Variants in ZC3H13 observed in about 807,000 individuals in gnomAD.
The protein encoded by ZC3H13 is zinc finger CCCH domain-containing protein 13.
In ZC3H13, 64 loss-of-function variants were observed where a neutral mutation model predicts 204.1. That is an observed-to-expected ratio of 0.31 (90% CI 0.26 to 0.39). ZC3H13 has a LOEUF of 0.39. Among genes scored for constraint, ZC3H13 ranks in the 10% least tolerant of loss-of-function variants. ZC3H13 has a pLI of 1.00. For missense variants in ZC3H13, 1,833 were observed against 2,082.7 expected (o/e 0.88, Z 2.33); for synonymous variants, 667 against 693.7 (o/e 0.96, Z 0.60).
At chr13:46,050,843 A>T (rs371405176) in intron 1 of ZC3H13, among the ~76,000 whole-genome samples, 2 of 152,166 alleles carry the variant, frequency 1.3e-5, no homozygotes, top group South Asian at 4.1e-4. Context: ...CACAGAAAAC[A>T]TCCCATGCTG....
chr13:46,046,884 T>C (rs1055081125), intron 1 of ZC3H13, among the ~76,000 whole-genome samples: 4 of 151,920 alleles, frequency 2.6e-5, no homozygotes, highest in African/African-American at 9.7e-5. Flanking sequence ...GGGAAGAGGG[T>C]AGAAACTGCC....
At chr13:45,996,842 CAAT>C (rs1053613763) in intron 8 of ZC3H13, among the ~76,000 whole-genome samples, 6 of 149,878 alleles carry the variant, frequency 4.0e-5, no homozygotes, top group African/African-American at 1.5e-4. Context: ...CAAAAATCTA[CAAT>C]AAGAAGGAAT....
At chr13:45,991,579 G>A (rs767849024) in intron 8 of ZC3H13, among the ~76,000 whole-genome samples, 4 of 152,178 alleles carry the variant, frequency 2.6e-5, no homozygotes, top group Non-Finnish European at 5.9e-5. Context: ...TTTCCACTTA[G>A]AATAGAAGTA....
rs183307481 is a variant in ZC3H13 at position 46,010,628 on chromosome 13, G to A, written c.589-123C>T. ...TTAAATATTATTGCCGGGTGCAGTG[G>A]TTCACACCTGTAATCCCAGTTTCTC... On this transcript the variant is annotated intron_variant, in intron 6 of 18. Transcript: ENST00000679008. 1,200 of 975,292 alleles carry A rather than the reference G, an allele frequency of 1.2e-3. 1 individual carries two copies. Among genetic ancestry groups the A allele is most frequent in the Non-Finnish European group, 1.7e-3 (1,129 of 680,736 alleles). The allele number at this position is 975,292 out of a possible 1,614,324, so 60.4% of individuals were successfully genotyped here. A position where few individuals can be genotyped will look rare whatever the true frequency, so the allele number is the denominator to read the frequency against.
chr13:45,993,823 G>GTCCC (rs965541261), intron 8 of ZC3H13, among the ~76,000 whole-genome samples: 2 of 152,058 alleles, frequency 1.3e-5, no homozygotes, highest in African/African-American at 4.8e-5. Flanking sequence ...TTGTCTGTGG[G>GTCCC]AATCTTTTAA....
chr13:45,985,679 G>T lies in ZC3H13; in HGVS notation c.1338C>A (p.His446Gln), dbSNP rs372253221. The T allele has an allele frequency of 3.1e-6, 5 of 1,613,944 alleles. No homozygotes were observed. Among genetic ancestry groups the T allele is most frequent in the Non-Finnish European group, 4.2e-6 (5 of 1,180,004 alleles). ...YEQDQSSSRD[H>Q]RDDREPRDGR... ...CATCTCGAGGTTCTCTGTCATCTCT[G>T]TGGTCTCTAGAAGAGCTCTGATCCT... Residue 446 changes from histidine to glutamine, a missense_variant, in exon 10 of 19, where the codon CAC becomes CAA. Coordinates refer to ENST00000679008, the MANE Select transcript of ZC3H13 (RefSeq NM_001330564.2).
At chr13:45,977,118 TCA>T (rs1458957855) in intron 11 of ZC3H13, among the ~76,000 whole-genome samples, 1 of 152,192 alleles carries the variant, frequency 6.6e-6, no homozygotes, top group Non-Finnish European at 1.5e-5. Flanking sequence ...CTTCCCAATG[TCA>T]CAGAGATGGT....
intron 1 of ZC3H13, among the ~76,000 whole-genome samples, chr13:46,046,282 G>A (rs918960117): frequency 1.3e-5 from 2 of 151,886 alleles, no homozygotes; most frequent in South Asian, 4.1e-4. Context: ...ACCATTATTA[G>A]TAATAACAAA....
rs1485504117 is a variant in ZC3H13, at chr13:45,956,159, AG to A, written c.*967del. 4 of 152,196 alleles carry A rather than the reference AG, an allele frequency of 2.6e-5. No individual in the cohort carries two copies. Among genetic ancestry groups the A allele is most frequent in the African/African-American group, 9.6e-5 (4 of 41,454 alleles). The allele number at this position is 152,196 out of a possible 1,614,324, so 9.4% of individuals were successfully genotyped here. A position where few individuals can be genotyped will look rare whatever the true frequency, so the allele number is the denominator to read the frequency against. Reference sequence around the variant, plus strand: ...CTGGAGGCAGTTTAATATAATCAAAAGTTATAGCTCTAAAAAATATGATAGT... The same window carrying A: ...CTGGAGGCAGTTTAATATAATCAAAATTATAGCTCTAAAAAATATGATAGT... On this transcript the variant is annotated 3_prime_UTR_variant, in exon 19 of 19. Coordinates refer to ENST00000679008, the MANE Select transcript of ZC3H13 (RefSeq NM_001330564.2).
chr13:45,971,811 C>T (rs963075034), intron 12 of ZC3H13, among the ~76,000 whole-genome samples: 1 of 151,878 alleles, frequency 6.6e-6, no homozygotes, highest in Non-Finnish European at 1.5e-5. Flanking sequence ...GCAAGAAAAA[C>T]ATAAATAATC....
chr13:45,993,498 CA>C, intron 8 of ZC3H13, among the ~76,000 whole-genome samples: 2 of 152,094 alleles, frequency 1.3e-5, no homozygotes, highest in Non-Finnish European at 2.9e-5. Flanking sequence ...AGTGGAACCA[CA>C]ATTTATGAGA....
At chr13:45,970,303 T>G in intron 13 of ZC3H13, 59 bp downstream of exon 13, 1 of 1,558,806 alleles carries the variant, frequency 6.4e-7, no homozygotes, top group South Asian at 1.1e-5. Context: ...TATGAAAGGA[T>G]GGTTTCATGG....
chr13:46,047,119 T>C (rs1397942406), intron 1 of ZC3H13, among the ~76,000 whole-genome samples: 1 of 152,050 alleles, frequency 6.6e-6, no homozygotes, highest in African/African-American at 2.4e-5. Context: ...GAAACAGCAA[T>C]AAAAAATTAT....
intron 15 of ZC3H13, 57 bp from the exon 16 acceptor site, chr13:45,965,489 A>G (rs766129783): frequency 4.4e-6 from 7 of 1,579,844 alleles, no homozygotes; most frequent in Non-Finnish European, 6.0e-6. Flanking sequence ...AGGATGACTA[A>G]GTCAAACCAA....
chr13:46,047,639 A>C (rs1007282877), intron 1 of ZC3H13, among the ~76,000 whole-genome samples: 1 of 152,174 alleles, frequency 6.6e-6, no homozygotes, highest in Non-Finnish European at 1.5e-5. Context: ...GCTGAGAAAG[A>C]TCTAGAAAAT....
intron 10 of ZC3H13, among the ~76,000 whole-genome samples, chr13:45,980,513 A>G (rs531041920): frequency 1.3e-5 from 2 of 152,350 alleles, no homozygotes; most frequent in South Asian, 4.1e-4. Flanking sequence ...CAAAACCTGC[A>G]AAGTACACTA....
At chr13:46,013,645 T>C (rs1256180247) in intron 5 of ZC3H13, among the ~76,000 whole-genome samples, 1 of 152,138 alleles carries the variant, frequency 6.6e-6, no homozygotes, top group African/African-American at 2.4e-5. Flanking sequence ...AAATACAGGA[T>C]GGAATTCAAA....
intron 8 of ZC3H13, among the ~76,000 whole-genome samples, chr13:45,990,290 G>A (rs2039878401): frequency 6.6e-6 from 1 of 152,128 alleles, no homozygotes; most frequent in Non-Finnish European, 1.5e-5. Flanking sequence ...ACCCCCAGTT[G>A]AGAACCACTA....
chr13:46,008,731 G>A (rs2041333633), intron 7 of ZC3H13, among the ~76,000 whole-genome samples: 1 of 152,150 alleles, frequency 6.6e-6, no homozygotes, highest in Admixed American at 6.5e-5. Context: ...TAGCCAAGAG[G>A]ATAAGAGCAA....
Sources: allele counts gnomAD v4.1 joint callset (sites outside exome capture counted in the v4.1 genomes callset), GRCh38; gene constraint gnomAD v4.1.1; transcripts MANE v1.5; gene names NCBI Gene and HGNC (gene_info 2026-07-23, HGNC 2026-07-21).